Variants in GPC5 observed in about 807,000 individuals in gnomAD.
GPC5 encodes glypican-5.
GPC5 carries 47 observed loss-of-function variants against 53.9 expected under a neutral mutation model. The ratio of observed to expected loss-of-function variants is 0.87; its 90% CI spans 0.69 to 1.11. GPC5 has a LOEUF of 1.11. GPC5 is among the 50% of genes most tolerant of loss of function. GPC5 has a pLI of 0.00. For synonymous variants in GPC5, 286 were observed against 263.3 expected (o/e 1.09, Z -0.84); for missense variants, 748 against 713.1 (o/e 1.05, Z -0.56).
chr13:92,147,559 C>T (rs996556667), intron 7 of GPC5, among the ~76,000 whole-genome samples: 1 of 151,974 alleles, frequency 6.6e-6, no homozygotes, highest in Non-Finnish European at 1.5e-5. Flanking sequence ...TAATAGTTTT[C>T]TTCACAAAAC....
At chr13:92,555,029 C>A (rs1882447189) in intron 7 of GPC5, among the ~76,000 whole-genome samples, 1 of 149,174 alleles carries the variant, frequency 6.7e-6, no homozygotes, top group Non-Finnish European at 1.5e-5. Context: ...TAAAAGGTTT[C>A]TTTTTCAAGA....
intron 7 of GPC5, among the ~76,000 whole-genome samples, chr13:92,417,554 G>C (rs7335124): frequency 0.62 from 94,095 of 152,018 alleles, 29,365 homozygotes; most frequent in East Asian, 0.73. Context: ...TTCATAGTAA[G>C]ATTATTCATA....
At chr13:92,344,931 A>G (rs1450908120) in intron 7 of GPC5, among the ~76,000 whole-genome samples, 2 of 152,192 alleles carry the variant, frequency 1.3e-5, no homozygotes, top group African/African-American at 4.8e-5. Flanking sequence ...AACAGGTCAA[A>G]ATCATGAGAC....
At chr13:92,835,056 G>A (rs1463144597) in intron 7 of GPC5, among the ~76,000 whole-genome samples, 14 of 151,990 alleles carry the variant, frequency 9.2e-5, no homozygotes, top group African/African-American at 3.1e-4. Context: ...ACCAAGAGTT[G>A]AGCCTCCAAA....
intron 7 of GPC5, among the ~76,000 whole-genome samples, chr13:92,511,068 A>G (rs1428248670): frequency 1.3e-5 from 2 of 152,198 alleles, no homozygotes; most frequent in African/African-American, 2.4e-5. Flanking sequence ...AGACATAGAG[A>G]AAAGGATGGG....
intron 2 of GPC5, among the ~76,000 whole-genome samples, chr13:91,581,110 C>T (rs1411274048): frequency 6.6e-6 from 1 of 152,170 alleles, no homozygotes; most frequent in Non-Finnish European, 1.5e-5. Context: ...AATTACCTCC[C>T]ACCAGGTCCC....
chr13:92,052,414 T>C (rs2041037780), intron 6 of GPC5, among the ~76,000 whole-genome samples: 1 of 152,090 alleles, frequency 6.6e-6, no homozygotes, highest in African/African-American at 2.4e-5. Context: ...GAACAAAGTG[T>C]CCACAGCGTG....
intron 6 of GPC5, among the ~76,000 whole-genome samples, chr13:92,051,207 T>C (rs999261551): frequency 6.9e-5 from 10 of 144,398 alleles, no homozygotes; most frequent in East Asian, 6.1e-4. Context: ...TTCTTTTTTT[T>C]TTTTTTTTTT....
chr13:92,821,900 C>A (rs2138810856), intron 7 of GPC5, among the ~76,000 whole-genome samples: 1 of 152,014 alleles, frequency 6.6e-6, no homozygotes, highest in South Asian at 2.1e-4. Flanking sequence ...TTTTGTATTG[C>A]CCTTCAAATA....
At chr13:91,966,761 T>C (rs763686349) in intron 6 of GPC5, among the ~76,000 whole-genome samples, 1 of 152,166 alleles carries the variant, frequency 6.6e-6, no homozygotes, top group Non-Finnish European at 1.5e-5. Flanking sequence ...ATAAAAGGCC[T>C]GATTCACTTA....
intron 5 of GPC5, among the ~76,000 whole-genome samples, chr13:91,894,648 T>A (rs905394020): frequency 2.0e-5 from 3 of 152,186 alleles, no homozygotes; most frequent in Non-Finnish European, 2.9e-5. Context: ...ACTTCCTTAG[T>A]GATTTTTAAT....
chr13:91,644,824 G>A (rs768286878), intron 2 of GPC5, among the ~76,000 whole-genome samples: 10 of 152,140 alleles, frequency 6.6e-5, no homozygotes, highest in Non-Finnish European at 1.5e-4. Context: ...CAGATACTCT[G>A]AAAAAGTCAT....
At chr13:92,134,184 G>C (rs192711108) in intron 6 of GPC5, among the ~76,000 whole-genome samples, 2 of 152,260 alleles carry the variant, frequency 1.3e-5, no homozygotes, top group Admixed American at 6.5e-5. Context: ...CTCAGGAACA[G>C]TAGCTGTTCA....
chr13:92,699,909 T>C (rs1887674058), intron 7 of GPC5, among the ~76,000 whole-genome samples: 1 of 152,178 alleles, frequency 6.6e-6, no homozygotes. Flanking sequence ...ATTCTGTTGA[T>C]TTGGAGTGGA....
At chr13:91,631,642 A>G (rs1415104745) in intron 2 of GPC5, among the ~76,000 whole-genome samples, 16 of 152,072 alleles carry the variant, frequency 1.1e-4, no homozygotes, top group Admixed American at 1.0e-3. Flanking sequence ...GGGAGGCTTT[A>G]TCTCCCTTTC....
At chr13:92,462,127 A>C (rs940680953) in intron 7 of GPC5, among the ~76,000 whole-genome samples, 1 of 152,200 alleles carries the variant, frequency 6.6e-6, no homozygotes, top group Non-Finnish European at 1.5e-5. Flanking sequence ...GCATTTAATC[A>C]GAGTGACAGC....
At chr13:91,709,668 A>G (rs2036184518) in intron 3 of GPC5, among the ~76,000 whole-genome samples, 1 of 152,234 alleles carries the variant, frequency 6.6e-6, no homozygotes, top group African/African-American at 2.4e-5. Flanking sequence ...AGCATTTTGC[A>G]TGAATGCAAT....
At chr13:92,365,343 C>T (rs917676793) in intron 7 of GPC5, among the ~76,000 whole-genome samples, 38 of 151,632 alleles carry the variant, frequency 2.5e-4, no homozygotes, top group Admixed American at 1.6e-3. Flanking sequence ...AAAGGTGTTA[C>T]GGGTATATAG....
At chr13:91,623,494 C>T (rs549463983) in intron 2 of GPC5, among the ~76,000 whole-genome samples, 21 of 152,176 alleles carry the variant, frequency 1.4e-4, no homozygotes, top group African/African-American at 4.8e-4. Flanking sequence ...CAGAGAGTCT[C>T]TAGGTCAGAG....
Sources: allele counts gnomAD v4.1 joint callset (sites outside exome capture counted in the v4.1 genomes callset), GRCh38; gene constraint gnomAD v4.1.1; transcripts MANE v1.5; gene names NCBI Gene and HGNC (gene_info 2026-07-23, HGNC 2026-07-21).